The following DNAJC25 variants were observed in gnomAD, a reference collection of about 807,000 sequenced individuals.
The protein encoded by DNAJC25 is DnaJ heat shock protein family (Hsp40) member C25, also known as dnaJ homolog subfamily C member 25.
A neutral mutation model predicts 42.1 loss-of-function variants in DNAJC25; 26 were observed. That is an observed-to-expected ratio of 0.62 (90% CI 0.45 to 0.86). The LOEUF is 0.86. DNAJC25 is among the 40% of genes least tolerant of loss of function. The probability of loss-of-function intolerance (pLI) is 0.00; values close to 1 mark genes in which losing one functional copy is unlikely to be tolerated. For missense variants in DNAJC25, 404 were observed against 459.4 expected, an observed-to-expected ratio of 0.88 and a Z score of 1.10; for synonymous variants, 189 against 179.9, an observed-to-expected ratio of 1.05 and a Z score of -0.40.
At chr9:111,635,166 T>A (rs1830345488) in intron 1 of DNAJC25, among the ~76,000 whole-genome samples, 1 of 152,222 alleles carries the variant, frequency 6.6e-6, no homozygotes, top group South Asian at 2.1e-4. Flanking sequence ...CACTTACATG[T>A]TTTTAAAGTG....
At chr9:111,642,601 A>G (rs1830494197) in intron 1 of DNAJC25, among the ~76,000 whole-genome samples, 1 of 100,590 alleles carries the variant, frequency 9.9e-6, no homozygotes, top group South Asian at 3.2e-4. Flanking sequence ...CCCAAGAATT[A>G]TCAATAAATA....
chr9:111,642,100 T>C (rs1830484227), intron 1 of DNAJC25, among the ~76,000 whole-genome samples: 1 of 141,378 alleles, frequency 7.1e-6, no homozygotes, highest in Admixed American at 7.1e-5. Flanking sequence ...CCACCCCGTC[T>C]GGGAGGTGTG....
At position 111,631,387 on chromosome 9, in the gene DNAJC25, G is replaced by A. The variant is rs772813929; in HGVS notation, c.-21G>A. ...GTGCTGCAGAATCGCTGGGGTGGCA[G>A]AGCCGCCAGCGAGGCTGGGGATGGG... On this transcript the variant is annotated 5_prime_UTR_variant, in exon 1 of 4. Transcript: ENST00000313525. The A allele has an allele frequency of 7.9e-7, 1 of 1,273,532 alleles. No homozygotes were observed. Among genetic ancestry groups the A allele is most frequent in the Non-Finnish European group, 9.9e-7 (1 of 1,014,028 alleles). The allele number at this position is 1,273,532 out of a possible 1,614,324, so 78.9% of individuals were successfully genotyped here.
At chr9:111,650,310 A>C (rs916371834) in intron 3 of DNAJC25, among the ~76,000 whole-genome samples, 1 of 139,700 alleles carries the variant, frequency 7.2e-6, no homozygotes, top group Non-Finnish European at 1.5e-5. Context: ...AAAAAAAAAA[A>C]AAAACAACAG....
rs747508394 is a variant in DNAJC25 at position 111,653,220 on chromosome 9, T to C, written c.1081T>C (p.Ter361ArgextTer11). 1.3e-6 allele frequency: 2 copies of C among 1,568,586 alleles called. No homozygotes were observed. Among genetic ancestry groups the C allele is most frequent in the Non-Finnish European group, 1.7e-6 (2 of 1,156,680 alleles). Residue 361 changes from the stop codon to arginine, a stop_lost, in exon 4 of 4, where the codon TGA (stop) becomes CGA (arginine). Coordinates refer to ENST00000313525, the MANE Select transcript of DNAJC25 (RefSeq NM_001015882.3). ...TGGGCGGTTAACATTTGTGGATGAC[T>C]GAAGATTGATGGAATGCTACTATGC... ...GPGRLTFVDD[*>R]
intron 1 of DNAJC25, among the ~76,000 whole-genome samples, chr9:111,638,999 C>A (rs1260995599): frequency 6.6e-6 from 1 of 152,068 alleles, no homozygotes; most frequent in Non-Finnish European, 1.5e-5. Context: ...TACTTTTATA[C>A]CCTTAACACT....
rs544773845 is a variant in DNAJC25, at chr9:111,631,381, G to A, written c.-27G>A. ...GGCTGAGTGCTGCAGAATCGCTGGG[G>A]TGGCAGAGCCGCCAGCGAGGCTGGG... On this transcript the variant is annotated 5_prime_UTR_variant, in exon 1 of 4. In the 5' UTR this introduces an upstream ATG that the reference lacks. Coordinates refer to ENST00000313525, the MANE Select transcript of DNAJC25 (RefSeq NM_001015882.3). 1.8e-4 allele frequency: 231 copies of A among 1,273,596 alleles called. 1 individual carries two copies. The African/African-American group carries it at 3.5e-3, about 19-fold the overall frequency. The allele number at this position is 1,273,596 out of a possible 1,614,324, so 78.9% of individuals were successfully genotyped here.
At chr9:111,639,945 CGTCT>C (rs1830423773) in intron 1 of DNAJC25, among the ~76,000 whole-genome samples, 1 of 148,860 alleles carries the variant, frequency 6.7e-6, no homozygotes. Context: ...TCTCCGTCTC[CGTCT>C]CCGTCTCCGT....
At chr9:111,635,812 A>C (rs1170173115) in intron 1 of DNAJC25, among the ~76,000 whole-genome samples, 2 of 152,222 alleles carry the variant, frequency 1.3e-5, no homozygotes, top group Non-Finnish European at 2.9e-5. Flanking sequence ...TTGGAAGGGA[A>C]GCGTTACAAC....
At chr9:111,646,657 G>A (rs1406937950) in intron 1 of DNAJC25, among the ~76,000 whole-genome samples, 3 of 152,154 alleles carry the variant, frequency 2.0e-5, no homozygotes, top group Non-Finnish European at 4.4e-5. Context: ...GCATAATTCA[G>A]TTTTGTAGGC....
At position 111,648,195 on chromosome 9, in the gene DNAJC25, A is replaced by G. The variant is rs371644594; in HGVS notation, c.489+936A>G. On this transcript the variant is annotated intron_variant, in intron 2 of 3. Transcript: ENST00000313525. ...TCCTTTAAAGGAAATGAACAAGTCA[A>G]ATGACTAGAATGAAGCAATCTGCTT... 3.3e-5 allele frequency among the ~76,000 whole-genome samples: 5 copies of G among 152,192 alleles called. No homozygotes were observed. The East Asian group carries it at 9.6e-4, about 29-fold the overall frequency.
intron 1 of DNAJC25, among the ~76,000 whole-genome samples, chr9:111,641,714 T>G: frequency 8.2e-6 from 1 of 121,644 alleles, no homozygotes; most frequent in South Asian, 2.8e-4. Context: ...AGCCACCCCG[T>G]CCGGGAGGTG....
At chr9:111,650,139 T>C (rs1235974070) in intron 3 of DNAJC25, among the ~76,000 whole-genome samples, 2 of 152,200 alleles carry the variant, frequency 1.3e-5, no homozygotes, top group African/African-American at 4.8e-5. Flanking sequence ...GAACTTCAAA[T>C]ACTTTAATCA....
chr9:111,643,816 A>T (rs1178117589), intron 1 of DNAJC25, among the ~76,000 whole-genome samples: 1 of 151,692 alleles, frequency 6.6e-6, no homozygotes, highest in Non-Finnish European at 1.5e-5. Context: ...TTTCTACTTG[A>T]GTCCCAGAAG....
chr9:111,631,407 G>C lies in DNAJC25; in HGVS notation c.-1G>C, dbSNP rs902739216. 6.3e-6 allele frequency: 8 copies of C among 1,278,342 alleles called. No homozygotes were observed. The African/African-American group carries it at 1.2e-4, about 20-fold the overall frequency. The allele number at this position is 1,278,342 out of a possible 1,614,324, so 79.2% of individuals were successfully genotyped here. A position where few individuals can be genotyped will look rare whatever the true frequency, so the allele number is the denominator to read the frequency against. ...TGGCAGAGCCGCCAGCGAGGCTGGG[G>C]ATGGGGGCGCCGCTGCTCTCTCCCG... is the stretch of plus-strand genomic sequence containing the variant. On this transcript the variant is annotated 5_prime_UTR_variant, in exon 1 of 4. Coordinates refer to ENST00000313525, the MANE Select transcript of DNAJC25 (RefSeq NM_001015882.3).
chr9:111,636,194 A>T (rs1830361111), intron 1 of DNAJC25, among the ~76,000 whole-genome samples: 1 of 152,212 alleles, frequency 6.6e-6, no homozygotes, highest in Non-Finnish European at 1.5e-5. Flanking sequence ...GAACGAAGTC[A>T]CCAAGGTTGA....
rs1442145841 is a variant in DNAJC25, at chr9:111,649,878, A to G, written c.915A>G (p.Lys305=). ...TTGATAGTCTAGAAGATCATCAGAA[A>G]GAAACTTTTCTTAAACGAGAGCTCT... ...SQFDSLEDHQ[K]ETFLKRELWI... Residue 305 remains lysine (K), a synonymous_variant, in exon 3 of 4, where the codon AAA becomes AAG. Coordinates refer to ENST00000313525, the MANE Select transcript of DNAJC25 (RefSeq NM_001015882.3). 1 of 1,599,648 alleles carries G rather than the reference A, an allele frequency of 6.3e-7. No homozygotes were observed. The highest frequency in any genetic ancestry group is 1.4e-5 in the African/African-American group (1 of 73,894).
chr9:111,639,526 GAGA>G (rs1310748234), intron 1 of DNAJC25, among the ~76,000 whole-genome samples: 2 of 152,084 alleles, frequency 1.3e-5, no homozygotes, highest in Non-Finnish European at 2.9e-5. Flanking sequence ...AGAGAAGATA[GAGA>G]AGAAGATAAG....
At chr9:111,641,741 G>A (rs1228861602) in intron 1 of DNAJC25, among the ~76,000 whole-genome samples, 1,691 of 52,042 alleles carry the variant, frequency 0.032, no homozygotes, top group African/African-American at 0.064. Flanking sequence ...GCCTCTGCCC[G>A]GCCGCCCCTA....
Sources: allele counts gnomAD v4.1 joint callset (sites outside exome capture counted in the v4.1 genomes callset), GRCh38; gene constraint gnomAD v4.1.1; transcripts MANE v1.5; gene names NCBI Gene and HGNC (gene_info 2026-07-23, HGNC 2026-07-21).